CTNNA2: variants seen among roughly 807,000 people sequenced by gnomAD.
The protein encoded by CTNNA2 is catenin alpha-2.
CTNNA2 carries 42 observed loss-of-function variants against 101.0 expected under a neutral mutation model. The observed-to-expected ratio is 0.42, with a 90% confidence interval of 0.32 to 0.54. The LOEUF is 0.54. CTNNA2 is among the 20% of genes least tolerant of loss of function. The probability of loss-of-function intolerance (pLI) is 0.14; values close to 1 mark genes in which losing one functional copy is unlikely to be tolerated. For missense variants in CTNNA2, 871 were observed against 1,223.1 expected, an observed-to-expected ratio of 0.71 and a Z score of 4.29; for synonymous variants, 450 against 456.4, an observed-to-expected ratio of 0.99 and a Z score of 0.18.
At chr2:79,526,686 T>C (rs1342440664) in intron 1 of CTNNA2, among the ~76,000 whole-genome samples, 3 of 152,116 alleles carry the variant, frequency 2.0e-5, no homozygotes, top group Non-Finnish European at 4.4e-5. Context: ...TTATGGTTAA[T>C]TGATTTTTCA....
chr2:80,498,408 A>G (rs1687630494), intron 9 of CTNNA2, among the ~76,000 whole-genome samples: 1 of 152,204 alleles, frequency 6.6e-6, no homozygotes, highest in South Asian at 2.1e-4. Flanking sequence ...TGATTTTCTT[A>G]AGGCCAATTG....
At chr2:79,777,764 A>G (rs1047099983) in intron 3 of CTNNA2, among the ~76,000 whole-genome samples, 7 of 152,198 alleles carry the variant, frequency 4.6e-5, no homozygotes, top group Admixed American at 6.5e-5. Context: ...TTATGTCCCA[A>G]TTTCTAACCT....
chr2:79,279,625 A>C (rs1288935181), intron 2 of CTNNA2, among the ~76,000 whole-genome samples: 2 of 152,162 alleles, frequency 1.3e-5, no homozygotes, highest in Non-Finnish European at 2.9e-5. Flanking sequence ...TCTTTAAAGG[A>C]AAATTAGACA....
At chr2:79,931,625 A>G (rs1469876815) in intron 7 of CTNNA2, among the ~76,000 whole-genome samples, 2 of 152,184 alleles carry the variant, frequency 1.3e-5, no homozygotes, top group African/African-American at 4.8e-5. Flanking sequence ...CAACAATGGC[A>G]CAGAATTTTA....
chr2:80,361,798 G>T (rs191709199), intron 7 of CTNNA2, among the ~76,000 whole-genome samples: 7 of 152,152 alleles, frequency 4.6e-5, no homozygotes, highest in Non-Finnish European at 1.0e-4. Context: ...CCATGAAGGT[G>T]GAAGAGAAAG....
chr2:79,955,884 G>C (rs565985481), intron 7 of CTNNA2, among the ~76,000 whole-genome samples: 14 of 152,136 alleles, frequency 9.2e-5, no homozygotes, highest in Non-Finnish European at 1.6e-4. Flanking sequence ...GCTAGGAGCC[G>C]ATGAGTATAC....
chr2:79,508,785 T>A (rs572784306), upstream of CTNNA2, among the ~76,000 whole-genome samples: 26 of 151,828 alleles, frequency 1.7e-4, no homozygotes, highest in East Asian at 3.9e-3. Context: ...CTGAGTGTCA[T>A]AGACATTAAA....
intron 5 of CTNNA2, among the ~76,000 whole-genome samples, chr2:79,872,234 G>GT (rs1212171460): frequency 4.0e-5 from 6 of 151,436 alleles, no homozygotes; most frequent in East Asian, 1.9e-4. Flanking sequence ...TGTTTCAGTA[G>GT]TTTTTTTTCA....
At chr2:79,203,924 G>T (rs1164666465) in intron 2 of CTNNA2, among the ~76,000 whole-genome samples, 26 of 152,178 alleles carry the variant, frequency 1.7e-4, no homozygotes. Context: ...GTCACCTGAG[G>T]TAGAAGTGGC....
chr2:79,628,727 G>A (rs1187138566), intron 1 of CTNNA2, among the ~76,000 whole-genome samples: 1 of 152,126 alleles, frequency 6.6e-6, no homozygotes, highest in Non-Finnish European at 1.5e-5. Context: ...CTTTAAGACA[G>A]CCTCTGACTT....
chr2:80,572,962 C>T (rs1280326319), intron 12 of CTNNA2: 1 of 152,056 alleles, frequency 6.6e-6, no homozygotes, highest in Non-Finnish European at 1.5e-5. Context: ...TACATTTTTC[C>T]AGGAATGTTT....
At chr2:79,970,784 A>G (rs1402967132) in intron 7 of CTNNA2, among the ~76,000 whole-genome samples, 1 of 151,366 alleles carries the variant, frequency 6.6e-6, no homozygotes, top group Non-Finnish European at 1.5e-5. Context: ...TGAAAGCTAA[A>G]TGTGAAATCT....
intron 7 of CTNNA2, among the ~76,000 whole-genome samples, chr2:80,016,408 CGAG>C (rs1312573942): frequency 6.6e-6 from 1 of 151,878 alleles, no homozygotes; most frequent in Non-Finnish European, 1.5e-5. Context: ...GCTATGGAGA[CGAG>C]GAGAATAGGA....
chr2:80,621,141 C>G lies in CTNNA2; in HGVS notation c.2574+1913C>G, dbSNP rs755497383. ...GCTTGACTTGTTAGGTAACTCAAAG[C>G]AAATTACTTAGATCTCTCGGGCCTC... On this transcript the variant is annotated intron_variant, in intron 18 of 18. Coordinates refer to ENST00000402739, the MANE Select transcript of CTNNA2 (RefSeq NM_001282597.3). 4.7e-4 allele frequency among the ~76,000 whole-genome samples: 72 copies of G among 151,774 alleles called. 1 individual carries two copies. Among genetic ancestry groups the G allele is most frequent in the Non-Finnish European group, 1.3e-4 (9 of 67,884 alleles).
intron 7 of CTNNA2, among the ~76,000 whole-genome samples, chr2:80,261,176 T>C (rs910002578): frequency 1.3e-5 from 2 of 152,240 alleles, no homozygotes; most frequent in Non-Finnish European, 2.9e-5. Flanking sequence ...TCTCCTCAGA[T>C]GACACATATA....
chr2:79,627,716 C>A (rs1679413297), intron 1 of CTNNA2, among the ~76,000 whole-genome samples: 1 of 152,110 alleles, frequency 6.6e-6, no homozygotes, highest in Admixed American at 6.6e-5. Context: ...ATTTAGAAAT[C>A]TTTTGCATAA....
intron 2 of CTNNA2, among the ~76,000 whole-genome samples, chr2:79,726,383 C>G (rs1686839919): frequency 6.6e-6 from 1 of 152,184 alleles, no homozygotes; most frequent in Non-Finnish European, 1.5e-5. Context: ...TAGGAGCCCA[C>G]AGCAGGAGGT....
At chr2:80,564,574 A>T (rs1240336532) in intron 12 of CTNNA2, among the ~76,000 whole-genome samples, 1 of 149,238 alleles carries the variant, frequency 6.7e-6, no homozygotes, top group African/African-American at 2.5e-5. Context: ...CAAACAATTC[A>T]TCTCATGGGT....
chr2:79,665,010 C>G (rs1216005990), intron 2 of CTNNA2, among the ~76,000 whole-genome samples: 1 of 152,116 alleles, frequency 6.6e-6, no homozygotes, highest in Non-Finnish European at 1.5e-5. Context: ...CGTTCCCGGC[C>G]CACATTCTTC....
Sources: gnomAD v4.1 joint callset for allele counts (sites outside exome capture counted in the v4.1 genomes callset) on GRCh38, gnomAD v4.1.1 for gene constraint, MANE v1.5 for transcripts, NCBI Gene and HGNC (gene_info 2026-07-23, HGNC 2026-07-21) for gene names.